Variants in GTF3C2 observed in about 807,000 individuals in gnomAD.
GTF3C2 encodes general transcription factor IIIC subunit 2.
In GTF3C2, 17 loss-of-function variants were observed where a neutral mutation model predicts 117.4. The observed-to-expected ratio is 0.14, with a 90% CI of 0.10 to 0.22. The LOEUF is 0.22. Ranked by LOEUF, GTF3C2 falls within the 10% of genes least tolerant of loss-of-function variation. GTF3C2 has a pLI of 1.00. For missense variants in GTF3C2, 888 were observed against 1,143.6 expected (o/e 0.78, Z 3.22); for synonymous variants, 437 against 427.0 (o/e 1.02, Z -0.29).
chr2:27,327,718 C>G (rs910177832), intron 17 of GTF3C2, among the ~76,000 whole-genome samples: 2 of 150,394 alleles, frequency 1.3e-5, no homozygotes, highest in African/African-American at 4.9e-5. Context: ...ATCTCCACCT[C>G]CTGGGTTCAA....
At chr2:27,334,101 C>T in intron 10 of GTF3C2, 102 bp from the exon 11 acceptor site, 1 of 816,390 alleles carries the variant, frequency 1.2e-6, no homozygotes, top group Non-Finnish European at 2.1e-6. Context: ...TCATGGCTCA[C>T]TGCAGCCTCC....
chr2:27,342,960 T>A (rs189826094), exon 3 of GTF3C2: 3 of 1,614,214 alleles, frequency 1.9e-6, no homozygotes, highest in East Asian at 4.5e-5. Flanking sequence ...CCTTGGACTT[T>A]CGACCTCGTT....
chr2:27,344,454 C>T (rs1192444577), intron 1 of GTF3C2, among the ~76,000 whole-genome samples: 2 of 152,156 alleles, frequency 1.3e-5, no homozygotes, highest in South Asian at 2.1e-4. Context: ...ATTATTTAAC[C>T]TCTGTCTCTG....
At chr2:27,328,066 G>A (rs1680148908) in exon 17 of GTF3C2, 6 of 1,609,788 alleles carry the variant, frequency 3.7e-6, no homozygotes, top group Non-Finnish European at 5.1e-6. Context: ...AGCAAGTAGT[G>A]ATGGTTGACA....
At chr2:27,341,706 G>T (rs1051475598) in intron 4 of GTF3C2, 1 of 507,412 alleles carries the variant, frequency 2.0e-6, no homozygotes, top group Non-Finnish European at 3.5e-6. Flanking sequence ...TCTTATTTAC[G>T]TTTGTTGTGT....
intron 11 of GTF3C2, 46 bp from the exon 12 acceptor site, chr2:27,333,830 T>C (rs1395105267): frequency 1.3e-6 from 2 of 1,585,556 alleles, no homozygotes; most frequent in Admixed American, 3.4e-5. Flanking sequence ...ACACCTACAC[T>C]GTTTGGAACG....
intron 1 of GTF3C2, among the ~76,000 whole-genome samples, chr2:27,344,386 A>G (rs989693062): frequency 1.3e-5 from 2 of 152,202 alleles, no homozygotes; most frequent in Non-Finnish European, 2.9e-5. Context: ...TGCTATACAT[A>G]CATTATCTAA....
intron 1 of GTF3C2, among the ~76,000 whole-genome samples, chr2:27,346,058 T>C (rs1244542699): frequency 7.1e-6 from 1 of 141,644 alleles, no homozygotes; most frequent in Non-Finnish European, 1.5e-5. Flanking sequence ...TCTTGTTCTA[T>C]CACCCAGACT....
chr2:27,330,349 C>T (rs545305483), intron 12 of GTF3C2, among the ~76,000 whole-genome samples: 1 of 151,626 alleles, frequency 6.6e-6, no homozygotes, highest in Non-Finnish European at 1.5e-5. Context: ...GTAATCCCAG[C>T]TACTTGGGAG....
chr2:27,326,288 T>C (rs1238958052), exon 19 of GTF3C2: 1 of 472,028 alleles, frequency 2.1e-6, no homozygotes, highest in African/African-American at 2.0e-5. Context: ...TTCATGCAGA[T>C]ACCCTTTTCA....
intron 1 of GTF3C2, among the ~76,000 whole-genome samples, chr2:27,346,204 T>C (rs1448177188): frequency 2.6e-5 from 4 of 151,536 alleles, no homozygotes; most frequent in Non-Finnish European, 5.9e-5. Context: ...TTAAATTTTT[T>C]GTAGAGATGA....
chr2:27,327,022 G>C (rs1680098925), intron 18 of GTF3C2, 129 bp from the exon 19 acceptor site: 1 of 703,708 alleles, frequency 1.4e-6, no homozygotes, highest in African/African-American at 1.8e-5. Flanking sequence ...GGTGACAGAG[G>C]TAAGAATGAA....
intron 12 of GTF3C2, among the ~76,000 whole-genome samples, chr2:27,331,389 C>T (rs1680266986): frequency 1.3e-5 from 2 of 152,122 alleles, no homozygotes; most frequent in Non-Finnish European, 1.5e-5. Context: ...TGCAGTGGCA[C>T]GATCTTGGCT....
exon 4 of GTF3C2, chr2:27,342,073 G>T: frequency 3.7e-6 from 6 of 1,614,086 alleles, no homozygotes; most frequent in Non-Finnish European, 5.1e-6. Context: ...TCTTCATCCC[G>T]TGGAGCACCA....
At chr2:27,328,098 T>C in exon 17 of GTF3C2, 1 of 1,611,724 alleles carries the variant, frequency 6.2e-7, no homozygotes, top group Non-Finnish European at 8.5e-7. Context: ...AGTTCGAGCC[T>C]TAGGAGGGTT....
chr2:27,330,757 T>C (rs1359168541), intron 12 of GTF3C2, among the ~76,000 whole-genome samples: 2 of 152,190 alleles, frequency 1.3e-5, no homozygotes, highest in Non-Finnish European at 2.9e-5. Context: ...GGTCCAGAGT[T>C]TGAGACCAGC....
chr2:27,350,298 T>A, intron 1 of GTF3C2: 1 of 485,692 alleles, frequency 2.1e-6, no homozygotes, highest in Non-Finnish European at 2.7e-6. Flanking sequence ...AATTCCTAGT[T>A]CTACCCCAGA....
chr2:27,337,909 C>A lies in GTF3C2; in HGVS notation c.950+17G>T, dbSNP rs1284290388. ...CCACCCCTTTATTAACCCCAGCCCC[C>A]TGTCCCCAAGTCTCACAAGTCCTTG... On this transcript the variant is annotated intron_variant, in intron 5 of 18. Transcript: ENST00000264720. The A allele has an allele frequency of 2.7e-6, 4 of 1,473,738 alleles. No individual in the cohort carries two copies. Among genetic ancestry groups the A allele is most frequent in the Non-Finnish European group, 1.9e-6 (2 of 1,051,514 alleles). 91.3% of individuals were successfully genotyped at this position (1,473,738 alleles called of 1,614,324 possible). A position where few individuals can be genotyped will look rare whatever the true frequency, so the allele number is the denominator to read the frequency against.
At chr2:27,354,294 G>C (rs915560777) in intron 1 of GTF3C2, among the ~76,000 whole-genome samples, 2 of 151,562 alleles carry the variant, frequency 1.3e-5, no homozygotes, top group African/African-American at 2.4e-5. Flanking sequence ...AAAAAAGTGG[G>C]AACCAATACA....
Sources: allele counts gnomAD v4.1 joint callset (sites outside exome capture counted in the v4.1 genomes callset), GRCh38; gene constraint gnomAD v4.1.1; transcripts MANE v1.5; gene names NCBI Gene and HGNC (gene_info 2026-07-23, HGNC 2026-07-21).